Variants in CTDP1 observed in about 807,000 individuals in gnomAD.
The protein encoded by CTDP1 is RNA polymerase II subunit A C-terminal domain phosphatase.
CTDP1 carries 47 observed loss-of-function variants against 91.8 expected under a neutral mutation model. The observed-to-expected ratio is 0.51, with a 90% CI of 0.41 to 0.65. CTDP1 has a LOEUF of 0.65. Among genes scored for constraint, CTDP1 ranks in the 30% least tolerant of loss-of-function variants. The pLI, the probability that CTDP1 is intolerant of heterozygous loss-of-function variation, is 0.00. For missense variants in CTDP1, 1,272 were observed against 1,373.7 expected, an observed-to-expected ratio of 0.93 and a Z score of 1.17; for synonymous variants, 656 against 598.5, an observed-to-expected ratio of 1.10 and a Z score of -1.40.
chr18:79,680,171 G>A lies in CTDP1; in HGVS notation c.224G>A (p.Arg75His), dbSNP rs1466892170. The change falls in exon 1 of 13, where the codon CGC becomes CAC. Residue 75 changes from arginine (R) to histidine (H), a missense_variant. Physicochemically the swap from Arg to His is conservative, Grantham distance 29. Transcript: ENST00000613122. The stretch of plus-strand genomic sequence containing the variant: ...CGTGTAGCCTCCGGGGGCTGCGTGC[G>A]CCCCGCGCGGCCGGAACGCAGGCTG... ...QSRVASGGCV[R>H]PARPERRLRS... 2.2e-6 allele frequency: 3 copies of A among 1,384,078 alleles called. No individual in the cohort carries two copies. The allele number at this position is 1,384,078 out of a possible 1,614,324, so 85.7% of individuals were successfully genotyped here.
Position 79,679,971 on chromosome 18 carries a change from C to T in CTDP1, c.24C>T (p.Arg8=). MEVPAAG[R]VPAEGAPTAA... ...CGATGGAGGTGCCGGCCGCGGGTCG[C>T]GTTCCTGCCGAGGGCGCCCCGACGG... Residue 8 remains arginine, a synonymous_variant, in exon 1 of 13, where the codon CGC becomes CGT. Coordinates refer to ENST00000613122, the MANE Select transcript of CTDP1 (RefSeq NM_004715.5). 1 of 1,372,172 alleles carries T rather than the reference C, an allele frequency of 7.3e-7. No homozygotes were observed. The allele number at this position is 1,372,172 out of a possible 1,614,324, so 85.0% of individuals were successfully genotyped here. A position where few individuals can be genotyped will look rare whatever the true frequency, so the allele number is the denominator to read the frequency against.
At chr18:79,693,600 T>C (rs1440116743) in intron 1 of CTDP1, among the ~76,000 whole-genome samples, 3 of 152,190 alleles carry the variant, frequency 2.0e-5, no homozygotes, top group Admixed American at 6.5e-5. Context: ...AATCCATTTG[T>C]GTTGCACATG....
chr18:79,679,785 C>T, upstream of CTDP1: 1 of 623,820 alleles, frequency 1.6e-6, no homozygotes, highest in Non-Finnish European at 2.6e-6. Context: ...CCTTGCGTGA[C>T]GTCACGCGCC....
intron 12 of CTDP1, among the ~76,000 whole-genome samples, chr18:79,751,871 C>G (rs897545492): frequency 1.1e-4 from 16 of 152,212 alleles, no homozygotes; most frequent in Non-Finnish European, 2.9e-5. Flanking sequence ...TCTTAGGGTA[C>G]TCACATATGG....
intron 4 of CTDP1, among the ~76,000 whole-genome samples, chr18:79,700,806 C>G (rs1377586536): frequency 6.6e-6 from 1 of 152,220 alleles, no homozygotes; most frequent in African/African-American, 2.4e-5. Flanking sequence ...AAGTCAGTGT[C>G]TGGCTTCAAA....
chr18:79,684,685 A>T (rs1247400876), intron 1 of CTDP1, among the ~76,000 whole-genome samples: 1 of 152,034 alleles, frequency 6.6e-6, no homozygotes, highest in Non-Finnish European at 1.5e-5. Context: ...ATTTATCCTA[A>T]CCACATCAGT....
In CTDP1 at chr18:79,715,003, G is replaced by T. The variant is rs746730170; in HGVS notation, c.1543G>T (p.Gly515Ter). Residue 515 changes from glycine to a stop codon, truncating the protein, a stop_gained, in exon 8 of 13, where the codon GGA (glycine) becomes TGA (stop). Coordinates refer to ENST00000613122, the MANE Select transcript of CTDP1 (RefSeq NM_004715.5). LOFTEE classifies it high-confidence loss of function. The stretch of plus-strand genomic sequence containing the variant: ...GCGGCCTGCAGCACCGAGTCTCCCC[G>T]GAGAGGCCGAGCCTGGCGCGCATGC... ...PGRPAAPSLP[G>*]EAEPGAHAPD... 6.3e-7 allele frequency: 1 copy of T among 1,588,164 alleles called. No homozygotes were observed. Among genetic ancestry groups the T allele is most frequent in the Non-Finnish European group, 8.6e-7 (1 of 1,168,578 alleles).
rs550184883 is a variant in CTDP1, at chr18:79,693,387, TAGAA to T, written c.315-1835_315-1832del. Among the ~76,000 whole-genome samples, 12 of 152,306 alleles carry T rather than the reference TAGAA, an allele frequency of 7.9e-5. No homozygotes were observed. In the South Asian group the frequency reaches 2.3e-3, roughly 29 times the overall value. On this transcript the variant is annotated intron_variant, in intron 1 of 12. Transcript: ENST00000613122. ...ATTAAGGAAATCATACTTGTCACCT[TAGAA>T]AGTTTAACACACTTTTTCAAACAAG... is the stretch of plus-strand genomic sequence containing the variant.
At chr18:79,745,349 G>A (rs1418741602) in intron 12 of CTDP1, among the ~76,000 whole-genome samples, 1 of 78,186 alleles carries the variant, frequency 1.3e-5, no homozygotes, top group Non-Finnish European at 2.4e-5. Flanking sequence ...CTGTGCCCGC[G>A]TCCCTCCCGT....
At chr18:79,724,386 A>T (rs930966348) in intron 10 of CTDP1, among the ~76,000 whole-genome samples, 11 of 152,246 alleles carry the variant, frequency 7.2e-5, no homozygotes, top group Non-Finnish European at 1.6e-4. Flanking sequence ...CTTTTTAAAG[A>T]AACTGCCAGA....
chr18:79,715,815 G>C (rs2122640688), intron 8 of CTDP1, among the ~76,000 whole-genome samples: 1 of 152,318 alleles, frequency 6.6e-6, no homozygotes, highest in East Asian at 1.9e-4. Context: ...GGAAAACAGG[G>C]AATCAGCGAT....
chr18:79,753,918 C>T lies in CTDP1; in HGVS notation c.*128C>T, dbSNP rs1451828987. 59 of 1,228,144 alleles carry T rather than the reference C, an allele frequency of 4.8e-5. 1 individual carries two copies. The highest frequency in any genetic ancestry group is 6.2e-5 in the Non-Finnish European group (54 of 874,532). The allele number at this position is 1,228,144 out of a possible 1,614,324, so 76.1% of individuals were successfully genotyped here. A position where few individuals can be genotyped will look rare whatever the true frequency, so the allele number is the denominator to read the frequency against. On this transcript the variant is annotated 3_prime_UTR_variant, in exon 13 of 13. Coordinates refer to ENST00000613122, the MANE Select transcript of CTDP1 (RefSeq NM_004715.5). ...GGACATGTATATTTGCAGAGCTCCA[C>T]ATACAGAAACACATTATTTTGCAGA...
chr18:79,739,129 G>C (rs2122805231), intron 12 of CTDP1, among the ~76,000 whole-genome samples: 1 of 152,358 alleles, frequency 6.6e-6, no homozygotes, highest in East Asian at 1.9e-4. Context: ...GTCTGCCGTG[G>C]CCATGTTAGT....
intron 6 of CTDP1, among the ~76,000 whole-genome samples, chr18:79,712,188 G>A (rs1219819948): frequency 1.3e-5 from 2 of 152,244 alleles, no homozygotes; most frequent in Non-Finnish European, 2.9e-5. Context: ...ATCGAATGGG[G>A]ACATGCCCAG....
In CTDP1 at chr18:79,680,029, G is replaced by A; in HGVS notation, c.82G>A (p.Ala28Thr). 1 of 1,258,634 alleles carries A rather than the reference G, an allele frequency of 7.9e-7. No individual in the cohort carries two copies. The highest frequency in any genetic ancestry group is 9.9e-7 in the Non-Finnish European group (1 of 1,006,218). 78.0% of individuals were successfully genotyped at this position (1,258,634 alleles called of 1,614,324 possible). The change falls in exon 1 of 13, where the codon GCG (alanine) becomes ACG (threonine). Residue 28 changes from alanine (A) to threonine (T), a missense_variant. Physicochemically the swap from Ala to Thr is moderately conservative, Grantham distance 58 (BLOSUM62 0). This residue lies in a region of CTDP1 where 214 missense variants were observed against 179.1 expected (regional missense o/e 1.19). Coordinates refer to ENST00000613122, the MANE Select transcript of CTDP1 (RefSeq NM_004715.5). Reference protein sequence around the residue: ...AVAEVRCPGPAPLRLLEWRVA... With the variant: ...AVAEVRCPGPTPLRLLEWRVA... ...GGCCGAGGTGCGCTGCCCGGGGCCC[G>A]CGCCGCTGCGCCTGCTGGAGTGGAG...
chr18:79,679,235 G>A (rs890820924), upstream of CTDP1: 7 of 359,824 alleles, frequency 1.9e-5, no homozygotes, highest in East Asian at 7.9e-5. Flanking sequence ...TCGAAGGTGA[G>A]GTCGGAGGAA....
At chr18:79,710,686 A>ATTTTTTTTTT (rs11306504) in intron 6 of CTDP1, among the ~76,000 whole-genome samples, 45 of 88,510 alleles carry the variant, frequency 5.1e-4, no homozygotes, top group East Asian at 1.7e-3. Flanking sequence ...TCGCCCGGCA[A>ATTTTTTTTTT]TTTTTTTTTT....
At chr18:79,722,898 A>C (rs950594869) in intron 10 of CTDP1, among the ~76,000 whole-genome samples, 1 of 152,028 alleles carries the variant, frequency 6.6e-6, no homozygotes, top group Non-Finnish European at 1.5e-5. Flanking sequence ...CTCTGGTCCC[A>C]CCCTCCCTTT....
At chr18:79,742,314 C>T (rs1339330510) in intron 12 of CTDP1, among the ~76,000 whole-genome samples, 1 of 151,332 alleles carries the variant, frequency 6.6e-6, no homozygotes, top group South Asian at 2.1e-4. Context: ...GCAGAGGAGG[C>T]ATGAGGCGTC....
Sources: allele counts gnomAD v4.1 joint callset (sites outside exome capture counted in the v4.1 genomes callset), GRCh38; gene constraint gnomAD v4.1.1; regional missense constraint gnomAD v4.1.1; transcripts MANE v1.5; gene names NCBI Gene and HGNC (gene_info 2026-07-23, HGNC 2026-07-21).